Variants in LRRC1 observed in about 807,000 individuals in gnomAD.
The protein encoded by LRRC1 is leucine rich repeat containing 1.
Under a neutral mutation model 69.9 loss-of-function variants are expected in LRRC1, and 28 were observed. The ratio of observed to expected loss-of-function variants is 0.40; its 90% CI spans 0.30 to 0.55. LRRC1 has a LOEUF of 0.55. Among genes scored for constraint, LRRC1 ranks in the 20% least tolerant of loss-of-function variants. LRRC1 has a pLI of 0.47. For synonymous variants in LRRC1, 236 were observed against 240.2 expected, an observed-to-expected ratio of 0.98 and a Z score of 0.16; for missense variants, 498 against 609.0, an observed-to-expected ratio of 0.82 and a Z score of 1.92.
At chr6:53,875,221 A>G (rs1317721065) in intron 2 of LRRC1, among the ~76,000 whole-genome samples, 2 of 152,198 alleles carry the variant, frequency 1.3e-5, no homozygotes, top group Non-Finnish European at 2.9e-5. Context: ...AGGAATGCAC[A>G]TACATATAAC....
At chr6:53,818,827 C>T (rs1765028965) in intron 1 of LRRC1, among the ~76,000 whole-genome samples, 1 of 152,160 alleles carries the variant, frequency 6.6e-6, no homozygotes, top group Non-Finnish European at 1.5e-5. Flanking sequence ...TACTTAACCT[C>T]ATTTCATTTC....
intron 1 of LRRC1, among the ~76,000 whole-genome samples, chr6:53,797,220 A>G (rs1475969659): frequency 6.6e-6 from 1 of 152,146 alleles, no homozygotes; most frequent in Non-Finnish European, 1.5e-5. Flanking sequence ...GAAACTTGTC[A>G]GAATCTCAAA....
At chr6:53,795,497 A>C in intron 1 of LRRC1, 82 bp downstream of exon 1, 2 of 1,391,704 alleles carry the variant, frequency 1.4e-6, no homozygotes, top group Non-Finnish European at 1.9e-6. Context: ...CCCCTCTTCC[A>C]TCTCCGGGTC....
At chr6:53,851,706 GACAC>G (rs554199313) in intron 2 of LRRC1, among the ~76,000 whole-genome samples, 1 of 151,714 alleles carries the variant, frequency 6.6e-6, no homozygotes, top group Non-Finnish European at 1.5e-5. Context: ...AGATACCACA[GACAC>G]ACACACATGC....
At chr6:53,813,991 C>T (rs1232557752) in intron 1 of LRRC1, among the ~76,000 whole-genome samples, 1 of 152,184 alleles carries the variant, frequency 6.6e-6, no homozygotes, top group East Asian at 1.9e-4. Flanking sequence ...ATCCTTGCTC[C>T]TTTCCTCTAT....
At chr6:53,812,897 G>A (rs940090532) in intron 1 of LRRC1, among the ~76,000 whole-genome samples, 9 of 151,862 alleles carry the variant, frequency 5.9e-5, no homozygotes, top group African/African-American at 2.2e-4. Context: ...GCATTGCTGA[G>A]GTTGGCATGA....
At chr6:53,892,001 T>TAG (rs1767714192) in intron 4 of LRRC1, among the ~76,000 whole-genome samples, 111 of 91,556 alleles carry the variant, frequency 1.2e-3, no homozygotes, top group African/African-American at 4.6e-3. Context: ...AAAAAAAAAA[T>TAG]ATATATATAT....
intron 1 of LRRC1, among the ~76,000 whole-genome samples, chr6:53,810,255 G>A (rs770549828): frequency 6.6e-6 from 1 of 152,156 alleles, no homozygotes; most frequent in Non-Finnish European, 1.5e-5. Flanking sequence ...TATGTCTTCT[G>A]CCAAAAGCAT....
chr6:53,865,882 C>G (rs552862922), intron 2 of LRRC1, among the ~76,000 whole-genome samples: 1 of 151,908 alleles, frequency 6.6e-6, no homozygotes, highest in Admixed American at 6.6e-5. Context: ...CCACCATGCC[C>G]AGCTAATTTT....
intron 2 of LRRC1, among the ~76,000 whole-genome samples, chr6:53,875,008 A>G (rs1767018457): frequency 6.6e-6 from 1 of 152,224 alleles, no homozygotes; most frequent in Non-Finnish European, 1.5e-5. Context: ...TAGCAATACA[A>G]TTGGCATTTT....
chr6:53,860,723 A>G (rs1184552522), intron 2 of LRRC1, among the ~76,000 whole-genome samples: 3 of 152,132 alleles, frequency 2.0e-5, no homozygotes, highest in Non-Finnish European at 2.9e-5. Context: ...TCACATTGCT[A>G]TTGTTACTTC....
At chr6:53,816,986 TTTGACCC>T (rs1764969219) in intron 1 of LRRC1, among the ~76,000 whole-genome samples, 1 of 152,226 alleles carries the variant, frequency 6.6e-6, no homozygotes, top group South Asian at 2.1e-4. Context: ...GAAAGAGATT[TTTGACCC>T]CCAATTATGG....
chr6:53,871,958 G>A (rs1413392301), intron 2 of LRRC1, among the ~76,000 whole-genome samples: 2 of 152,076 alleles, frequency 1.3e-5, no homozygotes, highest in Admixed American at 6.5e-5. Context: ...ATGAGCTACC[G>A]CCCCTGGCCT....
intron 10 of LRRC1, among the ~76,000 whole-genome samples, chr6:53,911,962 T>G (rs1026319639): frequency 1.3e-5 from 2 of 152,188 alleles, no homozygotes; most frequent in Admixed American, 6.5e-5. Flanking sequence ...TTCTAAAACC[T>G]AAGAAAGGCT....
chr6:53,795,464 C>A, intron 1 of LRRC1, 49 bp downstream of exon 1: 1 of 1,557,220 alleles, frequency 6.4e-7, no homozygotes, highest in South Asian at 1.2e-5. Flanking sequence ...TCTGCTGTCC[C>A]TTCCGCTCCC....
At chr6:53,920,253 G>A (rs975804387) in intron 12 of LRRC1, among the ~76,000 whole-genome samples, 4 of 152,136 alleles carry the variant, frequency 2.6e-5, no homozygotes, top group African/African-American at 9.7e-5. Flanking sequence ...TGTCCATCAT[G>A]TGCAGCCACA....
chr6:53,874,192 C>T (rs1312991949), intron 2 of LRRC1, among the ~76,000 whole-genome samples: 1 of 152,114 alleles, frequency 6.6e-6, no homozygotes, highest in East Asian at 1.9e-4. Context: ...CTCTCTGAGC[C>T]TTAGTGTCCA....
intron 1 of LRRC1, among the ~76,000 whole-genome samples, chr6:53,822,211 G>A (rs1024250045): frequency 2.0e-5 from 3 of 152,090 alleles, no homozygotes; most frequent in African/African-American, 7.2e-5. Flanking sequence ...CAGAGGAGTT[G>A]GGGAGGATAC....
chr6:53,902,918 G>A (rs1019401661), intron 9 of LRRC1, among the ~76,000 whole-genome samples, 171 bp downstream of exon 9: 2 of 152,224 alleles, frequency 1.3e-5, no homozygotes, highest in Admixed American at 6.5e-5. Context: ...AAAGAAAGTG[G>A]TGCTTAGGTT....
Sources: gnomAD v4.1 joint callset for allele counts (sites outside exome capture counted in the v4.1 genomes callset) on GRCh38, gnomAD v4.1.1 for gene constraint, MANE v1.5 for transcripts, NCBI Gene and HGNC (gene_info 2026-07-23, HGNC 2026-07-21) for gene names.